The following CEP112 variants were observed in gnomAD, a reference collection of about 807,000 sequenced individuals.
The protein encoded by CEP112 is centrosomal protein 112.
Under a neutral mutation model 153.0 loss-of-function variants are expected in CEP112, and 127 were observed. That is an observed-to-expected ratio of 0.83 (90% CI 0.72 to 0.96). The LOEUF (loss-of-function observed/expected upper bound fraction) is 0.96, where lower values mean the gene tolerates loss of function less well. Ranked by LOEUF, CEP112 falls within the 40% of genes least tolerant of loss-of-function variation. CEP112 has a pLI of 0.00. For synonymous variants in CEP112, 358 were observed against 374.4 expected (o/e 0.96, Z 0.51); for missense variants, 1,089 against 1,101.2 (o/e 0.99, Z 0.16).
chr17:66,047,544 T>TAG (rs1568428292), intron 12 of CEP112, among the ~76,000 whole-genome samples: 4 of 152,230 alleles, frequency 2.6e-5, no homozygotes, highest in Non-Finnish European at 5.9e-5. Flanking sequence ...ATCTCTTTTC[T>TAG]AAAGTTTCAA....
chr17:65,948,399 A>T (rs2144589697), intron 18 of CEP112, among the ~76,000 whole-genome samples: 1 of 152,270 alleles, frequency 6.6e-6, no homozygotes, highest in Admixed American at 6.5e-5. Context: ...GGCTAGCGGA[A>T]GCCCCAGGAG....
intron 23 of CEP112, among the ~76,000 whole-genome samples, chr17:65,704,503 G>A (rs2048817903): frequency 6.6e-6 from 1 of 151,948 alleles, no homozygotes; most frequent in Non-Finnish European, 1.5e-5. Context: ...TTTTACCCAT[G>A]TGAGGGCCAA....
At chr17:65,912,779 T>C (rs2060336497) in intron 19 of CEP112, among the ~76,000 whole-genome samples, 1 of 152,208 alleles carries the variant, frequency 6.6e-6, no homozygotes, top group Admixed American at 6.5e-5. Flanking sequence ...AGGGGCACAT[T>C]GCTTTAAAGG....
At chr17:66,071,218 A>C (rs2067297635) in intron 8 of CEP112, among the ~76,000 whole-genome samples, 1 of 152,140 alleles carries the variant, frequency 6.6e-6, no homozygotes, top group Non-Finnish European at 1.5e-5. Context: ...AAGTTAACAT[A>C]ATACAAATTC....
intron 6 of CEP112, among the ~76,000 whole-genome samples, chr17:66,103,257 C>T (rs2068642329): frequency 6.6e-6 from 1 of 151,466 alleles, no homozygotes; most frequent in African/African-American, 2.4e-5. Context: ...TGAAAGCATT[C>T]CCTTTAAGAT....
At chr17:65,806,859 T>G (rs2055636353) in intron 21 of CEP112, among the ~76,000 whole-genome samples, 1 of 152,140 alleles carries the variant, frequency 6.6e-6, no homozygotes. Context: ...AGTGTGAAAA[T>G]GGACTAATAC....
At position 66,082,493 on chromosome 17, in the gene CEP112, G is replaced by A. The variant is rs1423789367; in HGVS notation, c.769-12492C>T. On this transcript the variant is annotated intron_variant, in intron 8 of 26. Coordinates refer to ENST00000535342, the MANE Select transcript of CEP112 (RefSeq NM_001199165.4). ...ATATTTAATATGTGGGTCAGGTGCG[G>A]TGCCTCATGCCTATAATCCTAGCAC... is the stretch of plus-strand genomic sequence containing the variant. 2.0e-5 allele frequency among the ~76,000 whole-genome samples: 3 copies of A among 152,184 alleles called. No homozygotes were observed. The East Asian group carries it at 5.8e-4, about 29-fold the overall frequency.
chr17:65,671,945 T>A (rs2047006441), intron 24 of CEP112, among the ~76,000 whole-genome samples: 2 of 152,258 alleles, frequency 1.3e-5, no homozygotes, highest in African/African-American at 4.8e-5. Flanking sequence ...AGGCCTCACC[T>A]GTGCAATATG....
intron 12 of CEP112, among the ~76,000 whole-genome samples, chr17:66,051,952 T>G (rs1053296845): frequency 1.3e-5 from 2 of 152,240 alleles, no homozygotes; most frequent in Non-Finnish European, 2.9e-5. Context: ...ACATCATAGC[T>G]TAGCCTGGCC....
At chr17:66,034,716 G>C (rs1310580092) in intron 12 of CEP112, among the ~76,000 whole-genome samples, 1 of 151,906 alleles carries the variant, frequency 6.6e-6, no homozygotes, top group Non-Finnish European at 1.5e-5. Flanking sequence ...AAAAATGATA[G>C]ACATTGAAGC....
At chr17:65,815,499 G>A (rs2145947209) in intron 21 of CEP112, among the ~76,000 whole-genome samples, 1 of 152,142 alleles carries the variant, frequency 6.6e-6, no homozygotes, top group East Asian at 1.9e-4. Context: ...ATTTGACAAT[G>A]CTGTAATGAA....
intron 21 of CEP112, among the ~76,000 whole-genome samples, chr17:65,786,572 C>CTTTTTTTTTTT (rs1195368604): frequency 4.9e-5 from 5 of 101,610 alleles, no homozygotes; most frequent in Non-Finnish European, 6.0e-5. Context: ...TTAGCCAATT[C>CTTTTTTTTTTT]TTTTTTTTTT....
At chr17:65,752,735 G>T (rs7210851) in intron 21 of CEP112, among the ~76,000 whole-genome samples, 89,844 of 152,054 alleles carry the variant, frequency 0.59, 28,076 homozygotes, top group East Asian at 0.78. Context: ...TGCTTCTAAT[G>T]GGTATCCTTC....
At chr17:65,950,641 T>C (rs1030099458) in intron 18 of CEP112, among the ~76,000 whole-genome samples, 1 of 151,976 alleles carries the variant, frequency 6.6e-6, no homozygotes, top group Admixed American at 6.6e-5. Context: ...ATTTTCACTA[T>C]ACAGGATCAT....
intron 16 of CEP112, among the ~76,000 whole-genome samples, chr17:66,022,866 T>A (rs940551739): frequency 6.6e-6 from 1 of 151,722 alleles, no homozygotes; most frequent in Non-Finnish European, 1.5e-5. Context: ...GAGACAGATA[T>A]CTTAGAAAAA....
chr17:66,035,004 A>ATTTT (rs2054018185), intron 12 of CEP112, among the ~76,000 whole-genome samples: 2 of 103,416 alleles, frequency 1.9e-5, no homozygotes, highest in Non-Finnish European at 3.9e-5. Context: ...ATATATATAT[A>ATTTT]TATATTTTTT....
In CEP112 at chr17:66,103,381, T is replaced by C. The variant is rs145050218; in HGVS notation, c.643-6749A>G. Among the ~76,000 whole-genome samples, 432 of 151,992 alleles carry C rather than the reference T, an allele frequency of 2.8e-3. 6 individuals carry two copies. The highest frequency in any genetic ancestry group is 9.8e-3 in the African/African-American group (408 of 41,450). ...ATAAGAAAAGGAAAAAGGAGGAGGA[T>C]AGAAAGAAAGAAGAGGGTACAAGAT... is the stretch of plus-strand genomic sequence containing the variant. On this transcript the variant is annotated intron_variant, in intron 6 of 26. Transcript: ENST00000535342.
At chr17:65,986,048 A>G (rs748099283) in intron 17 of CEP112, among the ~76,000 whole-genome samples, 2 of 152,154 alleles carry the variant, frequency 1.3e-5, no homozygotes, top group Non-Finnish European at 2.9e-5. Context: ...CACATTTCAA[A>G]AAGAATCCTA....
intron 23 of CEP112, among the ~76,000 whole-genome samples, chr17:65,732,897 C>T (rs1476435330): frequency 6.6e-6 from 1 of 152,190 alleles, no homozygotes; most frequent in African/African-American, 2.4e-5. Flanking sequence ...CTCCATATCA[C>T]CACAAAGCTG....
Sources: gnomAD v4.1 joint callset for allele counts (sites outside exome capture counted in the v4.1 genomes callset) on GRCh38, gnomAD v4.1.1 for gene constraint, MANE v1.5 for transcripts, NCBI Gene and HGNC (gene_info 2026-07-23, HGNC 2026-07-21) for gene names.